Variants in OTUD7A observed in about 807,000 individuals in gnomAD.
The protein encoded by OTUD7A is OTU domain-containing protein 7A.
A neutral mutation model predicts 65.7 loss-of-function variants in OTUD7A; 12 were observed. The ratio of observed to expected loss-of-function variants is 0.18; its 90% confidence interval spans 0.12 to 0.30. The LOEUF (loss-of-function observed/expected upper bound fraction) is 0.30, where lower values mean the gene tolerates loss of function less well. Among genes scored for constraint, OTUD7A ranks in the 10% least tolerant of loss-of-function variants. The pLI is 1.00. For synonymous variants in OTUD7A, 641 were observed against 586.3 expected (o/e 1.09, Z -1.35); for missense variants, 1,148 against 1,304.8 (o/e 0.88, Z 1.85).
At chr15:31,588,750 G>A (rs962065754) in intron 3 of OTUD7A, among the ~76,000 whole-genome samples, 1 of 152,208 alleles carries the variant, frequency 6.6e-6, no homozygotes, top group Non-Finnish European at 1.5e-5. Context: ...TCCACACGTG[G>A]CTTCCAAGGC....
At chr15:31,643,878 A>C (rs1891588674) in intron 3 of OTUD7A, among the ~76,000 whole-genome samples, 1 of 152,218 alleles carries the variant, frequency 6.6e-6, no homozygotes, top group South Asian at 2.1e-4. Flanking sequence ...CCTTCTAACA[A>C]AAAGCAGCCC....
rs538842980 is a variant in OTUD7A, at chr15:31,829,772, C to A, written c.-100+40735G>T. Among the ~76,000 whole-genome samples the A allele has an allele frequency of 2.6e-5, 4 of 152,324 alleles. No individual in the cohort carries two copies. In the South Asian group the frequency reaches 8.3e-4, roughly 32 times the overall value. ...GCTGTGTGGAATGGGAGCTCAGAAT[C>A]TAAGCAGACTCACAGAGAAGGAAAA... On this transcript the variant is annotated intron_variant, in intron 1 of 12. Transcript: ENST00000307050.
intron 1 of OTUD7A, among the ~76,000 whole-genome samples, chr15:31,862,188 A>G (rs1006422831): frequency 1.3e-5 from 2 of 152,082 alleles, no homozygotes; most frequent in Admixed American, 6.5e-5. Flanking sequence ...CCCACCCCCT[A>G]GTTTTTCATG....
intron 1 of OTUD7A, among the ~76,000 whole-genome samples, chr15:31,696,016 C>A (rs1473202841): frequency 3.3e-5 from 5 of 152,262 alleles, no homozygotes; most frequent in African/African-American, 1.2e-4. Context: ...GAGGAGAATT[C>A]TCCGCAGAGA....
chr15:31,732,402 C>T (rs1363214892), intron 1 of OTUD7A, among the ~76,000 whole-genome samples: 1 of 152,198 alleles, frequency 6.6e-6, no homozygotes, highest in Non-Finnish European at 1.5e-5. Context: ...GTACATGTGG[C>T]CTCCTAGTTG....
intron 12 of OTUD7A, among the ~76,000 whole-genome samples, chr15:31,485,568 G>A (rs888256715): frequency 4.6e-5 from 7 of 152,056 alleles, no homozygotes; most frequent in Admixed American, 1.3e-4. Context: ...TCTGGGGTGG[G>A]GGGACCCTGA....
intron 8 of OTUD7A, among the ~76,000 whole-genome samples, chr15:31,510,222 G>C (rs2041663963): frequency 6.6e-6 from 1 of 152,046 alleles, no homozygotes; most frequent in South Asian, 2.1e-4. Flanking sequence ...AGGCTTGGCA[G>C]ACACCTGTCG....
chr15:31,759,917 A>T (rs181148078), intron 1 of OTUD7A, among the ~76,000 whole-genome samples: 1 of 152,202 alleles, frequency 6.6e-6, no homozygotes, highest in Non-Finnish European at 1.5e-5. Context: ...AAACCTGAAC[A>T]TCACTGGAAA....
At chr15:31,789,553 A>G (rs779177798) in intron 1 of OTUD7A, among the ~76,000 whole-genome samples, 1 of 152,184 alleles carries the variant, frequency 6.6e-6, no homozygotes, top group Non-Finnish European at 1.5e-5. Context: ...GAGGCTCAAC[A>G]TCGTGCCACT....
At chr15:31,660,206 C>T (rs1049629957) in intron 1 of OTUD7A, among the ~76,000 whole-genome samples, 3 of 152,230 alleles carry the variant, frequency 2.0e-5, no homozygotes, top group Admixed American at 6.5e-5. Flanking sequence ...TCATCTTGTC[C>T]GGCCTGGCGA....
chr15:31,654,988 A>C, intron 3 of OTUD7A, 108 bp downstream of exon 3: 1 of 1,354,322 alleles, frequency 7.4e-7, no homozygotes, highest in African/African-American at 1.5e-5. Context: ...CACAAAGCAA[A>C]GCCCACTTAG....
At chr15:31,542,222 GT>G (rs957928919) in intron 5 of OTUD7A, among the ~76,000 whole-genome samples, 14 of 152,074 alleles carry the variant, frequency 9.2e-5, no homozygotes, top group Admixed American at 3.3e-4. Flanking sequence ...AAAATCAGCA[GT>G]TTATAGATAC....
rs540613350 is a variant in OTUD7A, at chr15:31,626,237, G to A, written c.151+28859C>T. Among the ~76,000 whole-genome samples the A allele has an allele frequency of 5.3e-3, 803 of 152,188 alleles. 8 individuals are homozygous for A. The highest frequency in any genetic ancestry group is 0.017 in the African/African-American group (704 of 41,516). On this transcript the variant is annotated intron_variant, in intron 3 of 12. Transcript: ENST00000307050. ...GCACTCCAGTTAATAATAGCCAGGCGGAAACATTTAAGGTGAAATGTAAGC... is the reference window on the plus strand; with the variant it reads ...GCACTCCAGTTAATAATAGCCAGGCAGAAACATTTAAGGTGAAATGTAAGC...
rs964639455 is a variant in OTUD7A at position 31,753,353 on chromosome 15, C to G, written c.-99-96276G>C. Among the ~76,000 whole-genome samples, 5 of 151,974 alleles carry G rather than the reference C, an allele frequency of 3.3e-5. No homozygotes were observed. In the South Asian group the frequency reaches 8.3e-4, roughly 25 times the overall value. ...GGGAGACAGGTGGTGTTTGGTTACACGAGTAAGTTCCTTAGTGGTGACGTG... is the reference window on the plus strand; with the variant it reads ...GGGAGACAGGTGGTGTTTGGTTACAGGAGTAAGTTCCTTAGTGGTGACGTG... On this transcript the variant is annotated intron_variant, in intron 1 of 12. Transcript: ENST00000307050.
chr15:31,609,309 T>C (rs1890328828), intron 3 of OTUD7A, among the ~76,000 whole-genome samples: 1 of 151,800 alleles, frequency 6.6e-6, no homozygotes, highest in Admixed American at 6.6e-5. Context: ...ATCTGGGAGG[T>C]GGATAGCCTG....
At chr15:31,684,918 A>C (rs535382094) in intron 1 of OTUD7A, among the ~76,000 whole-genome samples, 1 of 148,504 alleles carries the variant, frequency 6.7e-6, no homozygotes, top group Admixed American at 6.8e-5. Flanking sequence ...ATGGCCTTGC[A>C]GTATCTACAC....
chr15:31,753,721 T>TTATATATATATATATTA lies in OTUD7A; in HGVS notation c.-99-96645_-99-96644insTAATATATATATATATA, dbSNP rs1567005117. The stretch of plus-strand genomic sequence containing the variant: ...TATATATTATATATATATATATATA[T>TTATATATATATATATTA]TATATATATATATATATATCTCACA... On this transcript the variant is annotated intron_variant, in intron 1 of 12. Coordinates refer to ENST00000307050, the MANE Select transcript of OTUD7A (RefSeq NM_001382637.1). Among the ~76,000 whole-genome samples the TTATATATATATATATTA allele has an allele frequency of 6.6e-5, 7 of 106,754 alleles. 1 individual carries two copies. Among genetic ancestry groups the TTATATATATATATATTA allele is most frequent in the East Asian group, 2.7e-4 (1 of 3,728 alleles). 70.0% of individuals were successfully genotyped at this position (106,754 alleles called of 152,430 possible). A position where few individuals can be genotyped will look rare whatever the true frequency, so the allele number is the denominator to read the frequency against.
chr15:31,628,792 T>C (rs1238974034), intron 3 of OTUD7A, among the ~76,000 whole-genome samples: 12 of 152,284 alleles, frequency 7.9e-5, no homozygotes, highest in African/African-American at 1.7e-4. Context: ...GTAGTTCTCC[T>C]TGAAGAGGTC....
In OTUD7A at chr15:31,487,058, G is replaced by T; in HGVS notation, c.1371+136C>A. The T allele has an allele frequency of 1.3e-6, 1 of 778,278 alleles. No homozygotes were observed. Among genetic ancestry groups the T allele is most frequent in the Non-Finnish European group, 2.1e-6 (1 of 479,174 alleles). The allele number at this position is 778,278 out of a possible 1,614,324, so 48.2% of individuals were successfully genotyped here. A position where few individuals can be genotyped will look rare whatever the true frequency, so the allele number is the denominator to read the frequency against. On this transcript the variant is annotated intron_variant, in intron 12 of 12. Coordinates refer to ENST00000307050, the MANE Select transcript of OTUD7A (RefSeq NM_001382637.1). This position sits in a 1 kb window ranked among gnomAD's most constrained non-coding sequence, Gnocchi z 6.0. ...GGAGGTGGAGGAGCTACTGGGCTGT[G>T]GGTATGGCTGGGGTGGGCGGCCGGG...
Sources: allele counts gnomAD v4.1 joint callset (sites outside exome capture counted in the v4.1 genomes callset), GRCh38; gene constraint gnomAD v4.1.1; non-coding constraint Gnocchi (gnomAD v3.1); transcripts MANE v1.5; gene names NCBI Gene and HGNC (gene_info 2026-07-23, HGNC 2026-07-21).